NRXN3: variants seen among roughly 807,000 people sequenced by gnomAD.
The protein encoded by NRXN3 is neurexin 3.
In NRXN3, 32 loss-of-function variants were observed where a neutral mutation model predicts 137.6. That is an observed-to-expected ratio of 0.23 (90% CI 0.18 to 0.31). The LOEUF (loss-of-function observed/expected upper bound fraction) is 0.31, where lower values mean the gene tolerates loss of function less well. Ranked by LOEUF, NRXN3 falls within the 10% of genes least tolerant of loss-of-function variation. NRXN3 has a pLI of 1.00. For synonymous variants in NRXN3, 798 were observed against 784.5 expected, an observed-to-expected ratio of 1.02 and a Z score of -0.29; for missense variants, 1,574 against 2,062.5, an observed-to-expected ratio of 0.76 and a Z score of 4.59.
chr14:78,588,667 A>C (rs1034738353), intron 4 of NRXN3, among the ~76,000 whole-genome samples: 1 of 152,252 alleles, frequency 6.6e-6, no homozygotes, highest in Non-Finnish European at 1.5e-5. Flanking sequence ...GCAAGAATCC[A>C]AATAAATAGT....
chr14:78,699,245 A>G (rs1056165483), intron 6 of NRXN3, among the ~76,000 whole-genome samples: 4 of 149,678 alleles, frequency 2.7e-5, no homozygotes, highest in Non-Finnish European at 4.5e-5. Context: ...TTCTAAAAAG[A>G]GGTGATGCCT....
chr14:79,222,553 T>C (rs1392023637), intron 15 of NRXN3, among the ~76,000 whole-genome samples: 2 of 152,160 alleles, frequency 1.3e-5, no homozygotes, highest in African/African-American at 4.8e-5. Context: ...GGAGCACAAC[T>C]GCTGGATTGT....
At position 79,736,659 on chromosome 14, in the gene NRXN3, G is replaced by C. The variant is rs569092980; in HGVS notation, c.4014+38722G>C. On this transcript the variant is annotated intron_variant, in intron 19 of 20. Coordinates refer to ENST00000335750, the MANE Select transcript of NRXN3 (RefSeq NM_001330195.2). ...CCAGGGGGCCATCGCGAGTGTGGAG[G>C]CTGTGAAGGCCCCAAGTTCTGGGAG... Among the ~76,000 whole-genome samples, 7 of 152,316 alleles carry C rather than the reference G, an allele frequency of 4.6e-5. No individual in the cohort carries two copies. The East Asian group carries it at 1.2e-3, about 25-fold the overall frequency.
intron 16 of NRXN3, among the ~76,000 whole-genome samples, chr14:79,550,342 C>T (rs1013781090): frequency 6.6e-6 from 1 of 152,088 alleles, no homozygotes; most frequent in Non-Finnish European, 1.5e-5. Context: ...AACTGTTCTT[C>T]CAGGAGTTCC....
At chr14:79,838,212 T>G (rs192798672) in intron 20 of NRXN3, among the ~76,000 whole-genome samples, 6 of 152,328 alleles carry the variant, frequency 3.9e-5, no homozygotes, top group South Asian at 2.1e-4. Flanking sequence ...ATAAACGTTT[T>G]AATTTTTTAT....
intron 4 of NRXN3, among the ~76,000 whole-genome samples, chr14:78,314,831 T>C (rs1449369624): frequency 1.3e-5 from 2 of 152,092 alleles, no homozygotes; most frequent in Non-Finnish European, 2.9e-5. Context: ...TCTCATTCAT[T>C]TTTCTATTAC....
rs569695546 is a variant in NRXN3 at position 78,674,345 on chromosome 14, A to G, written c.1221+23019A>G. Reference sequence around the variant, plus strand: ...CTGATTATTCTGCAAATAATGGGGGACCTTTCTGAAGCCCTGGATCCCTGG... The same window carrying G: ...CTGATTATTCTGCAAATAATGGGGGGCCTTTCTGAAGCCCTGGATCCCTGG... On this transcript the variant is annotated intron_variant, in intron 6 of 20. Coordinates refer to ENST00000335750, the MANE Select transcript of NRXN3 (RefSeq NM_001330195.2). Among the ~76,000 whole-genome samples, 9 of 152,234 alleles carry G rather than the reference A, an allele frequency of 5.9e-5. No individual in the cohort carries two copies. The East Asian group carries it at 1.5e-3, about 26-fold the overall frequency.
At chr14:79,172,898 G>A (rs1021105062) in intron 15 of NRXN3, among the ~76,000 whole-genome samples, 4 of 152,182 alleles carry the variant, frequency 2.6e-5, no homozygotes, top group Admixed American at 2.0e-4. Flanking sequence ...GACAAGAATT[G>A]TAGCTCAGAA....
intron 4 of NRXN3, among the ~76,000 whole-genome samples, chr14:78,618,214 C>T (rs2097365428): frequency 6.6e-6 from 1 of 151,332 alleles, no homozygotes; most frequent in East Asian, 1.9e-4. Context: ...ACACTTAATG[C>T]ACATAAGCTT....
intron 8 of NRXN3, among the ~76,000 whole-genome samples, chr14:78,764,492 C>T (rs1028692748): frequency 6.6e-6 from 1 of 152,196 alleles, no homozygotes; most frequent in Non-Finnish European, 1.5e-5. Context: ...ACCTATCACA[C>T]TCCAAAACAA....
At chr14:78,184,899 G>A (rs1049262633) in intron 1 of NRXN3, among the ~76,000 whole-genome samples, 2 of 152,188 alleles carry the variant, frequency 1.3e-5, no homozygotes, top group African/African-American at 2.4e-5. Context: ...GGTGTTGCTC[G>A]AGTTTGGATG....
intron 19 of NRXN3, among the ~76,000 whole-genome samples, chr14:79,748,280 T>G (rs2098985809): frequency 6.6e-6 from 1 of 152,100 alleles, no homozygotes; most frequent in Admixed American, 6.6e-5. Context: ...CTCTTAAAGT[T>G]ATAAGGGAGG....
chr14:79,581,530 G>A (rs992534682), intron 16 of NRXN3, among the ~76,000 whole-genome samples: 1 of 152,170 alleles, frequency 6.6e-6, no homozygotes, highest in Admixed American at 6.5e-5. Flanking sequence ...CATTGCTTAA[G>A]CTCATGGGGT....
chr14:78,572,406 G>A lies in NRXN3; in HGVS notation c.758-72714G>A, dbSNP rs904208923. Among the ~76,000 whole-genome samples the A allele has an allele frequency of 7.9e-5, 12 of 152,244 alleles. No individual in the cohort carries two copies. The East Asian group carries it at 9.7e-4, about 12-fold the overall frequency. On this transcript the variant is annotated intron_variant, in intron 4 of 20. Transcript: ENST00000335750. ...AGAGCCTGGCCACCTTCAGTGTGTC[G>A]AGATGCCAGGGCCCTCTATGGCTTT...
At chr14:78,235,002 A>ATATATATATATATATATATG (rs1555418555) in intron 1 of NRXN3, among the ~76,000 whole-genome samples, 2 of 47,448 alleles carry the variant, frequency 4.2e-5, no homozygotes, top group South Asian at 6.2e-4. Context: ...TTTTATATAT[A>ATATATATATATATATATATG]TATATATATA....
intron 15 of NRXN3, among the ~76,000 whole-genome samples, chr14:79,431,759 C>T (rs1276776306): frequency 6.6e-6 from 1 of 151,836 alleles, no homozygotes; most frequent in Non-Finnish European, 1.5e-5. Flanking sequence ...CTTACTGTTT[C>T]TTTTAAAAAA....
chr14:79,152,265 GCAT>G (rs1441456055), intron 15 of NRXN3, among the ~76,000 whole-genome samples: 1 of 152,028 alleles, frequency 6.6e-6, no homozygotes, highest in Non-Finnish European at 1.5e-5. Context: ...CAACTATCTT[GCAT>G]CTCACTATCT....
At chr14:78,692,095 T>C (rs2098176661) in intron 6 of NRXN3, among the ~76,000 whole-genome samples, 3 of 152,224 alleles carry the variant, frequency 2.0e-5, no homozygotes, top group Admixed American at 1.3e-4. Context: ...AGAAACGCTT[T>C]ACTATCCACT....
At chr14:78,860,576 C>G (rs1196362151) in intron 10 of NRXN3, among the ~76,000 whole-genome samples, 1 of 151,930 alleles carries the variant, frequency 6.6e-6, no homozygotes, top group African/African-American at 2.4e-5. Flanking sequence ...GTTATGACAA[C>G]TAGGATGCAT....
Sources: allele counts gnomAD v4.1 joint callset (sites outside exome capture counted in the v4.1 genomes callset), GRCh38; gene constraint gnomAD v4.1.1; transcripts MANE v1.5; gene names NCBI Gene and HGNC (gene_info 2026-07-23, HGNC 2026-07-21).